DRC9: variants seen among roughly 807,000 people sequenced by gnomAD.
DRC9 encodes the protein dynein regulatory complex subunit 9.
At chr3:197,956,704 AC>A in the DRC9 span, 1 of 150,080 alleles carries the variant, frequency 6.7e-6, no homozygotes, top group African/African-American at 2.5e-5. Flanking sequence ...GCTTACTGCA[AC>A]CTCAACCTCA....
the DRC9 span, among the ~76,000 whole-genome samples, chr3:197,915,411 A>G: frequency 0.018 from 2,772 of 152,102 alleles, 89 homozygotes; most frequent in African/African-American, 0.063. Context: ...CGGAGACCCA[A>G]CTGAGAAATT....
the DRC9 span, chr3:197,889,653 T>G: frequency 1.2e-6 from 2 of 1,614,248 alleles, no homozygotes; most frequent in South Asian, 2.2e-5. Flanking sequence ...AACTTTGTCT[T>G]TAGGCATCTT....
At chr3:197,914,172 C>T in the DRC9 span, 1 of 771,540 alleles carries the variant, frequency 1.3e-6, no homozygotes, top group South Asian at 1.6e-5. Context: ...CGCTGTCACA[C>T]AATGGGAAAT....
the DRC9 span, among the ~76,000 whole-genome samples, chr3:197,899,634 A>C: frequency 2.6e-5 from 4 of 152,154 alleles, no homozygotes; most frequent in African/African-American, 9.7e-5. Context: ...AAAATAAGGG[A>C]GAGATAAGAT....
At chr3:197,940,364 G>C in the DRC9 span, among the ~76,000 whole-genome samples, 2 of 150,980 alleles carry the variant, frequency 1.3e-5, no homozygotes, top group African/African-American at 4.9e-5. Context: ...GTACAAGATA[G>C]GGTTTTTTAC....
the DRC9 span, chr3:197,913,760 G>T: frequency 9.9e-7 from 1 of 1,011,936 alleles, no homozygotes; most frequent in South Asian, 1.3e-5. Flanking sequence ...CAAGTGGAGG[G>T]GCTGTTGCCG....
chr3:197,924,923 A>G, the DRC9 span, among the ~76,000 whole-genome samples: 1 of 152,202 alleles, frequency 6.6e-6, no homozygotes, highest in Non-Finnish European at 1.5e-5. Flanking sequence ...TTGCAAGTCA[A>G]TTCCTTAAAA....
chr3:197,947,213 C>G, the DRC9 span, among the ~76,000 whole-genome samples: 1 of 152,282 alleles, frequency 6.6e-6, no homozygotes, highest in East Asian at 1.9e-4. Flanking sequence ...CCAACAACCT[C>G]TAAATTGGAA....
chr3:197,926,165 A>G, the DRC9 span: 2 of 904,170 alleles, frequency 2.2e-6, no homozygotes, highest in South Asian at 2.6e-5. Context: ...TACGTGCACA[A>G]GGACCACCCC....
chr3:197,950,137 G>A, the DRC9 span: 1 of 1,231,794 alleles, frequency 8.1e-7, no homozygotes, highest in Non-Finnish European at 1.0e-6. Flanking sequence ...CCTAAATTGA[G>A]GGCGGAGTCG....
the DRC9 span, among the ~76,000 whole-genome samples, chr3:197,916,976 G>A: frequency 1.3e-5 from 2 of 152,086 alleles, no homozygotes; most frequent in African/African-American, 2.4e-5. Flanking sequence ...ATCCTGGGCC[G>A]CATGTGGCCT....
chr3:197,944,330 C>A, the DRC9 span, among the ~76,000 whole-genome samples: 1 of 151,922 alleles, frequency 6.6e-6, no homozygotes, highest in African/African-American at 2.4e-5. Flanking sequence ...GCTATCTCAG[C>A]TCACCGCAAC....
the DRC9 span, chr3:197,953,619 G>A: frequency 2.2e-6 from 1 of 458,064 alleles, no homozygotes; most frequent in Non-Finnish European, 4.4e-6. Context: ...TTTGTTCCAT[G>A]GTCACCTCAG....
chr3:197,919,720 G>A, the DRC9 span, among the ~76,000 whole-genome samples: 1 of 152,200 alleles, frequency 6.6e-6, no homozygotes, highest in African/African-American at 2.4e-5. Flanking sequence ...GGTAGTGTCT[G>A]CTTTCATAAC....
the DRC9 span, among the ~76,000 whole-genome samples, chr3:197,954,898 G>A: frequency 3.3e-5 from 5 of 152,262 alleles, no homozygotes; most frequent in African/African-American, 1.2e-4. Flanking sequence ...TGGCATAATT[G>A]TTAATATTTT....
chr3:197,954,653 G>A, the DRC9 span, among the ~76,000 whole-genome samples: 6 of 152,234 alleles, frequency 3.9e-5, no homozygotes, highest in South Asian at 1.2e-3. Context: ...GGAATTACAG[G>A]CGTATATACC....
chr3:197,950,112 C>G, the DRC9 span: 1 of 1,231,126 alleles, frequency 8.1e-7, no homozygotes, highest in Admixed American at 4.2e-5. Context: ...GTTTTTCTGG[C>G]GTTTGGAGAA....
At chr3:197,947,060 C>T in the DRC9 span, among the ~76,000 whole-genome samples, 2 of 152,202 alleles carry the variant, frequency 1.3e-5, no homozygotes, top group Non-Finnish European at 2.9e-5. Context: ...ATCCACCTGC[C>T]TCAGTCTCCC....
chr3:197,927,738 C>A, the DRC9 span, among the ~76,000 whole-genome samples: 1 of 152,064 alleles, frequency 6.6e-6, no homozygotes, highest in African/African-American at 2.4e-5. Flanking sequence ...TATAAAAGTG[C>A]CCATTTTACA....
Sources: gnomAD v4.1 joint callset for allele counts (sites outside exome capture counted in the v4.1 genomes callset) on GRCh38, gnomAD v4.1.1 for gene constraint, MANE v1.5 for transcripts, NCBI Gene and HGNC (gene_info 2026-07-23, HGNC 2026-07-21) for gene names.